Variants in CCT6B observed in about 807,000 individuals in gnomAD.
CCT6B encodes the protein probable T-complex protein 1 subunit zeta-2.
Under a neutral mutation model 61.5 loss-of-function variants are expected in CCT6B, and 49 were observed. The observed-to-expected ratio is 0.80, with a 90% confidence interval of 0.63 to 1.01. CCT6B has a LOEUF of 1.01. Among genes scored for constraint, CCT6B ranks in the 50% least tolerant of loss-of-function variants. The probability of loss-of-function intolerance (pLI) is 0.00; values close to 1 mark genes in which losing one functional copy is unlikely to be tolerated. For missense variants in CCT6B, 666 were observed against 634.7 expected (o/e 1.05, Z -0.53); for synonymous variants, 228 against 214.5 (o/e 1.06, Z -0.55).
chr17:34,953,250 T>C (rs945134901), intron 4 of CCT6B, among the ~76,000 whole-genome samples: 1 of 151,140 alleles, frequency 6.6e-6, no homozygotes, highest in Non-Finnish European at 1.5e-5. Flanking sequence ...AAAACAATAA[T>C]GATATCAAAT....
chr17:34,931,029 TA>T lies in CCT6B; in HGVS notation c.1369del (p.Tyr457MetfsTer7). Reference protein sequence around the residue: ...IPKVLAQNAGYDPQETLVKVQ... With the variant: ...IPKVLAQNAGXDPQETLVKVQ... Reference sequence around the variant, plus strand: ...TTTTACTAATGTTTCCTGTGGGTCATAACCAGCATTCTGAGCAAGAACCTTT... The same window carrying T: ...TTTTACTAATGTTTCCTGTGGGTCATACCAGCATTCTGAGCAAGAACCTTT... On this transcript the variant is annotated frameshift_variant, in exon 12 of 14. Coordinates refer to ENST00000314144, the MANE Select transcript of CCT6B (RefSeq NM_006584.4). LOFTEE classifies it high-confidence loss of function. 1 of 1,583,092 alleles carries T rather than the reference TA, an allele frequency of 6.3e-7. No homozygotes were observed. The highest frequency in any genetic ancestry group is 8.6e-7 in the Non-Finnish European group (1 of 1,158,856).
chr17:34,928,832 G>A, intron 13 of CCT6B, 130 bp downstream of exon 13: 2 of 539,524 alleles, frequency 3.7e-6, no homozygotes. Flanking sequence ...TCTAATAACT[G>A]AATACCACAC....
chr17:34,928,985 T>TA lies in CCT6B; in HGVS notation c.1499dup (p.Gln503ThrfsTer17), dbSNP rs2090002646. The stretch of plus-strand genomic sequence containing the variant: ...ACCAAGAGTGAAGAAGTTGTTTTTT[T>TA]ACACAATAATTATCCCAAACTCCTG... On this transcript the variant is annotated frameshift_variant, in exon 13 of 14. Transcript: ENST00000314144. LOFTEE classifies it high-confidence loss of function. The TA allele has an allele frequency of 6.2e-7, 1 of 1,607,064 alleles. No homozygotes were observed. The highest frequency in any genetic ancestry group is 1.1e-5 in the South Asian group (1 of 90,262).
At chr17:34,936,430 G>A (rs2090094693) in intron 10 of CCT6B, among the ~76,000 whole-genome samples, 1 of 152,136 alleles carries the variant, frequency 6.6e-6, no homozygotes, top group African/African-American at 2.4e-5. Flanking sequence ...CATTATACTG[G>A]AGGTTCTGGC....
intron 1 of CCT6B, 66 bp downstream of exon 1, chr17:34,961,191 C>T (rs1221803732): frequency 5.7e-5 from 87 of 1,532,396 alleles, no homozygotes; most frequent in Non-Finnish European, 6.9e-5. Context: ...GGACGCCTGC[C>T]TCAGAGGGCG....
At position 34,931,803 on chromosome 17, in the gene CCT6B, C is replaced by T. The variant is rs553203634; in HGVS notation, c.1347+564G>A. ...TAATAGCATCTTTGAAGTAGTTTTA[C>T]TATATTTCTAAGGTGGTTTGAAACC... is the stretch of plus-strand genomic sequence containing the variant. On this transcript the variant is annotated intron_variant, in intron 11 of 13. Coordinates refer to ENST00000314144, the MANE Select transcript of CCT6B (RefSeq NM_006584.4). Among the ~76,000 whole-genome samples the T allele has an allele frequency of 1.9e-4, 29 of 152,252 alleles. No individual in the cohort carries two copies. The South Asian group carries it at 3.3e-3, about 17-fold the overall frequency.
intron 10 of CCT6B, among the ~76,000 whole-genome samples, chr17:34,932,802 G>A (rs1248328525): frequency 6.6e-6 from 1 of 151,178 alleles, no homozygotes; most frequent in Admixed American, 6.6e-5. Context: ...TTTTTTCTGA[G>A]ATGGAGTTTT....
chr17:34,951,063 A>C (rs1451731672), intron 5 of CCT6B, among the ~76,000 whole-genome samples: 1 of 152,242 alleles, frequency 6.6e-6, no homozygotes, highest in African/African-American at 2.4e-5. Flanking sequence ...AGAGGAAGAA[A>C]GAACCTACAA....
Position 34,954,503 on chromosome 17 carries a change from T to G in CCT6B, c.433A>C (p.Arg145=), listed in dbSNP as rs983976704. ...CTAGCTACATCTAAGAGGATTTTTC[T>G]TTTCATCTCCTTTGTCACTTTAACT... The part of the protein sequence containing the change: ...EEVKVTKEMK[R]KILLDVARTS... The change falls in exon 4 of 14, where the codon AGA becomes CGA. Residue 145 remains arginine, a synonymous_variant. Coordinates refer to ENST00000314144, the MANE Select transcript of CCT6B (RefSeq NM_006584.4). 1.9e-6 allele frequency: 3 copies of G among 1,613,678 alleles called. No individual in the cohort carries two copies. The African/African-American group carries it at 4.0e-5, about 22-fold the overall frequency.
At position 34,958,703 on chromosome 17, in the gene CCT6B, A is replaced by G. The variant is rs572733467; in HGVS notation, c.202-9T>C. On this transcript the variant is annotated splice_polypyrimidine_tract_variant and intron_variant, in intron 2 of 13. Transcript: ENST00000314144. ...GTTGGATGTTGAATTTGCTGGAAAA[A>G]GCAAGCAACAGATTTAAAAAGACAG... The G allele has an allele frequency of 1.9e-6, 3 of 1,587,582 alleles. No individual in the cohort carries two copies. The highest frequency in any genetic ancestry group is 2.3e-5 in the East Asian group (1 of 44,032).
In CCT6B at chr17:34,957,583, A is replaced by T. The variant is rs527289574; in HGVS notation, c.336+977T>A. ...AGTCTCCCTTATCTCTCAATTTTCTATTATGGGAGATAATCATTTCCTTAT... is the reference window on the plus strand; with the variant it reads ...AGTCTCCCTTATCTCTCAATTTTCTTTTATGGGAGATAATCATTTCCTTAT... On this transcript the variant is annotated intron_variant, in intron 3 of 13. Transcript: ENST00000314144. Among the ~76,000 whole-genome samples the T allele has an allele frequency of 3.0e-4, 46 of 152,270 alleles. 1 individual carries two copies. In the South Asian group the frequency reaches 7.7e-3, roughly 25 times the overall value.
chr17:34,932,355 G>A lies in CCT6B; in HGVS notation c.1347+12C>T. 6.3e-7 allele frequency: 1 copy of A among 1,594,090 alleles called. No homozygotes were observed. The highest frequency in any genetic ancestry group is 8.5e-7 in the Non-Finnish European group (1 of 1,173,730). ...CTAAGCAGTTGTTATTTGGCCGAAA[G>A]GGTAGTTGTACCTTGGGAATAATGA... On this transcript the variant is annotated intron_variant, in intron 11 of 13. Coordinates refer to ENST00000314144, the MANE Select transcript of CCT6B (RefSeq NM_006584.4).
chr17:34,929,013 T>C lies in CCT6B; in HGVS notation c.1472A>G (p.Asp491Gly), dbSNP rs764176435. The C allele has an allele frequency of 4.4e-6, 7 of 1,609,042 alleles. No homozygotes were observed. Among genetic ancestry groups the C allele is most frequent in the Middle Eastern group, 1.6e-4 (1 of 6,064 alleles). Residue 491 changes from aspartate (D) to glycine (G), a missense_variant, in exon 13 of 14, where the codon GAT (aspartate) becomes GGT (glycine). Physicochemically the swap from Asp to Gly is moderately conservative, Grantham distance 94. Transcript: ENST00000314144. ...ACAATAATTATCCCAAACTCCTGCATCTGCTGCTACCATTGGCTCACCTGA... is the reference window on the plus strand; with the variant it reads ...ACAATAATTATCCCAAACTCCTGCACCTGCTGCTACCATTGGCTCACCTGA... ...LNTGEPMVAADAGVWDNYCVK... is the reference protein window; with the variant it reads ...LNTGEPMVAAGAGVWDNYCVK...
chr17:34,949,095 G>GGAAAAAAAAA (rs1815796208), intron 5 of CCT6B, among the ~76,000 whole-genome samples: 1 of 86,282 alleles, frequency 1.2e-5, no homozygotes, highest in African/African-American at 4.9e-5. Flanking sequence ...GGGAGGGGAG[G>GGAAAAAAAAA]GAAAAGAAAA....
chr17:34,933,568 C>T (rs943922337), intron 10 of CCT6B, among the ~76,000 whole-genome samples: 1 of 152,038 alleles, frequency 6.6e-6, no homozygotes, highest in African/African-American at 2.4e-5. Context: ...TTGTTAAATA[C>T]AGAATATACT....
rs963528764 is a variant in CCT6B, at chr17:34,956,669, T to C, written c.336+1891A>G. Among the ~76,000 whole-genome samples, 19 of 152,318 alleles carry C rather than the reference T, an allele frequency of 1.2e-4. 1 individual carries two copies. Among genetic ancestry groups the C allele is most frequent in the African/African-American group, 4.3e-4 (18 of 41,580 alleles). On this transcript the variant is annotated intron_variant, in intron 3 of 13. Transcript: ENST00000314144. ...ATTCCCATAAAAACTGTTACTGGCT[T>C]GGGATGGACATAATACTAAAGTTGG... is the stretch of plus-strand genomic sequence containing the variant.
intron 7 of CCT6B, among the ~76,000 whole-genome samples, chr17:34,942,089 C>T (rs1278933135): frequency 6.7e-6 from 1 of 149,822 alleles, no homozygotes; most frequent in Non-Finnish European, 1.5e-5. Flanking sequence ...TATTTTGTCA[C>T]ACATAATAAT....
At chr17:34,928,816 G>T in intron 13 of CCT6B, 146 bp downstream of exon 13, 1 of 515,960 alleles carries the variant, frequency 1.9e-6, no homozygotes. Context: ...AATGACAGAA[G>T]CTAGTTCTAA....
At chr17:34,959,887 T>C (rs2090392541) in intron 1 of CCT6B, among the ~76,000 whole-genome samples, 1 of 152,250 alleles carries the variant, frequency 6.6e-6, no homozygotes, top group African/African-American at 2.4e-5. Flanking sequence ...AAGCACTTGA[T>C]GAGTTACGAA....
Sources: gnomAD v4.1 joint callset for allele counts (sites outside exome capture counted in the v4.1 genomes callset) on GRCh38, gnomAD v4.1.1 for gene constraint, MANE v1.5 for transcripts, NCBI Gene and HGNC (gene_info 2026-07-23, HGNC 2026-07-21) for gene names.